Variants in MMP16 observed in about 807,000 individuals in gnomAD.
MMP16 encodes the protein matrix metalloproteinase-16.
MMP16 carries 12 observed loss-of-function variants against 67.8 expected under a neutral mutation model. The observed-to-expected ratio is 0.18, with a 90% confidence interval of 0.11 to 0.29. The LOEUF (loss-of-function observed/expected upper bound fraction) is 0.29, where lower values mean the gene tolerates loss of function less well. Among genes scored for constraint, MMP16 ranks in the 10% least tolerant of loss-of-function variants. The pLI is 1.00. For synonymous variants in MMP16, 249 were observed against 255.9 expected, an observed-to-expected ratio of 0.97 and a Z score of 0.26; for missense variants, 475 against 765.7, an observed-to-expected ratio of 0.62 and a Z score of 4.48.
chr8:88,282,200 GAGT>G (rs1387702766), intron 1 of MMP16, among the ~76,000 whole-genome samples: 1 of 151,186 alleles, frequency 6.6e-6, no homozygotes, highest in Non-Finnish European at 1.5e-5. Flanking sequence ...TCAGTTTCCT[GAGT>G]AGCTGAGATT....
chr8:88,120,394 A>G (rs565270659), intron 4 of MMP16, among the ~76,000 whole-genome samples: 1 of 152,084 alleles, frequency 6.6e-6, no homozygotes, highest in African/African-American at 2.4e-5. Context: ...ACATCTTTGT[A>G]ATTTCAAATC....
rs1808104769 is a variant in MMP16, at chr8:88,039,621, G to A, written c.*1840C>T. ...TCAATAGATCAATAATCAAGTTCAA[G>A]GCAAGCTGTTCATTGTTTCAAAAGC... On this transcript the variant is annotated 3_prime_UTR_variant, in exon 10 of 10. Transcript: ENST00000286614. This position sits in a 1 kb window ranked among gnomAD's most constrained non-coding sequence, Gnocchi z 4.5. 6.6e-6 allele frequency: 1 copy of A among 152,618 alleles called. No individual in the cohort carries two copies. Among genetic ancestry groups the A allele is most frequent in the Non-Finnish European group, 1.5e-5 (1 of 68,042 alleles). 9.5% of individuals were successfully genotyped at this position (152,618 alleles called of 1,614,324 possible).
intron 4 of MMP16, among the ~76,000 whole-genome samples, chr8:88,131,766 C>G (rs1808035015): frequency 6.6e-6 from 1 of 151,846 alleles, no homozygotes; most frequent in Non-Finnish European, 1.5e-5. Flanking sequence ...GTTCCCCTAA[C>G]AAACCATAAT....
At chr8:88,202,392 T>C (rs1421765846) in intron 1 of MMP16, among the ~76,000 whole-genome samples, 1 of 152,106 alleles carries the variant, frequency 6.6e-6, no homozygotes, top group Non-Finnish European at 1.5e-5. Context: ...GTGGAGAGGT[T>C]TTCCAATCTG....
At chr8:88,324,847 A>T (rs1286169153) in intron 1 of MMP16, among the ~76,000 whole-genome samples, 1 of 152,142 alleles carries the variant, frequency 6.6e-6, no homozygotes, top group African/African-American at 2.4e-5. Flanking sequence ...TTTCACTAGC[A>T]GCTACTCCTA....
Position 88,279,647 on chromosome 8 carries a change from C to G in MMP16, c.132+47428G>C, listed in dbSNP as rs1463162845. On this transcript the variant is annotated intron_variant, in intron 1 of 9. Coordinates refer to ENST00000286614, the MANE Select transcript of MMP16 (RefSeq NM_005941.5). ...TCTGGGACCTAACTAACTACTGTCT[C>G]AAGAGGGGCAACATCTATTTCACTG... 3.9e-5 allele frequency among the ~76,000 whole-genome samples: 6 copies of G among 152,246 alleles called. No individual in the cohort carries two copies. The East Asian group carries it at 1.2e-3, about 29-fold the overall frequency.
chr8:88,220,126 TA>T (rs1270657489), intron 1 of MMP16, among the ~76,000 whole-genome samples: 1 of 152,126 alleles, frequency 6.6e-6, no homozygotes, highest in Admixed American at 6.6e-5. Flanking sequence ...AATCAGCTTT[TA>T]ATATATAGAA....
intron 6 of MMP16, among the ~76,000 whole-genome samples, chr8:88,088,705 A>G (rs1205185207): frequency 6.6e-6 from 1 of 152,078 alleles, no homozygotes; most frequent in East Asian, 1.9e-4. Context: ...ATTTACTTAA[A>G]TAAAGAGTTC....
chr8:88,051,738 C>A lies in MMP16; in HGVS notation c.1373+4390G>T, dbSNP rs183713365. On this transcript the variant is annotated intron_variant, in intron 8 of 9. Transcript: ENST00000286614. ...TAATTAAGAAAATAAAGTAGGTCTA[C>A]ATTTTGTTATTTTTATTTGAAAATA... 6.6e-4 allele frequency among the ~76,000 whole-genome samples: 101 copies of A among 152,230 alleles called. 2 individuals are homozygous for A. The South Asian group carries it at 8.1e-3, about 12-fold the overall frequency.
At position 88,032,140 on chromosome 8, in the gene MMP16, A is replaced by C. The variant is rs1807993471; in HGVS notation, c.*9321T>G. ...CTAGGTTAAGACACTTACAGCAGAC[A>C]AAAACTGCCCCACCCCTAATCCCCT... On this transcript the variant is annotated 3_prime_UTR_variant, in exon 10 of 10. Transcript: ENST00000286614. 6.6e-6 allele frequency: 1 copy of C among 152,220 alleles called. No individual in the cohort carries two copies. The allele number at this position is 152,220 out of a possible 1,614,324, so 9.4% of individuals were successfully genotyped here.
At chr8:88,317,566 T>A (rs754498079) in intron 1 of MMP16, among the ~76,000 whole-genome samples, 10 of 152,182 alleles carry the variant, frequency 6.6e-5, no homozygotes, top group Non-Finnish European at 1.5e-4. Flanking sequence ...GAATTTCTCT[T>A]TATTGCAGTG....
chr8:88,213,220 A>G lies in MMP16; in HGVS notation c.133-15914T>C, dbSNP rs1157038878. Among the ~76,000 whole-genome samples, 7 of 152,248 alleles carry G rather than the reference A, an allele frequency of 4.6e-5. No individual in the cohort carries two copies. In the East Asian group the frequency reaches 1.4e-3, roughly 29 times the overall value. On this transcript the variant is annotated intron_variant, in intron 1 of 9. Transcript: ENST00000286614. ...TCAATAAACACTGTTAAGATCCTCCACACTGACTCTTACATGTTACTCATC... is the reference window on the plus strand; with the variant it reads ...TCAATAAACACTGTTAAGATCCTCCGCACTGACTCTTACATGTTACTCATC...
chr8:88,210,870 A>G (rs1396641581), intron 1 of MMP16, among the ~76,000 whole-genome samples: 1 of 152,146 alleles, frequency 6.6e-6, no homozygotes, highest in Non-Finnish European at 1.5e-5. Flanking sequence ...ACACACCAAG[A>G]GCTTAACATT....
chr8:88,246,699 T>C (rs534724421), intron 1 of MMP16, among the ~76,000 whole-genome samples: 13 of 152,266 alleles, frequency 8.5e-5, no homozygotes, highest in Admixed American at 7.2e-4. Context: ...TAAATGGTAC[T>C]GAATGAGGGA....
At chr8:88,061,412 C>T (rs1808398814) in intron 7 of MMP16, among the ~76,000 whole-genome samples, 1 of 151,996 alleles carries the variant, frequency 6.6e-6, no homozygotes, top group Non-Finnish European at 1.5e-5. Flanking sequence ...AGTTTCAATG[C>T]CTCTCATGCT....
chr8:88,288,892 T>C (rs762413659), intron 1 of MMP16, among the ~76,000 whole-genome samples: 1 of 152,212 alleles, frequency 6.6e-6, no homozygotes, highest in Admixed American at 6.5e-5. Context: ...CAAAGAGTCT[T>C]TGGACATTTT....
intron 4 of MMP16, among the ~76,000 whole-genome samples, chr8:88,166,527 T>C (rs1239096342): frequency 6.6e-6 from 1 of 150,884 alleles, no homozygotes; most frequent in African/African-American, 2.4e-5. Flanking sequence ...ATCAGAATAA[T>C]TGTAAGGATT....
intron 1 of MMP16, among the ~76,000 whole-genome samples, chr8:88,237,764 CG>C (rs1385607851): frequency 2.0e-5 from 3 of 152,142 alleles, no homozygotes; most frequent in Admixed American, 1.3e-4. Context: ...TGGTGATTTA[CG>C]TTTGTGTATG....
chr8:88,043,254 T>C (rs968007112), intron 9 of MMP16, among the ~76,000 whole-genome samples: 2 of 152,150 alleles, frequency 1.3e-5, no homozygotes, highest in African/African-American at 2.4e-5. Flanking sequence ...GTACACTTAA[T>C]AATTTTTTAA....
Sources: gnomAD v4.1 joint callset for allele counts (sites outside exome capture counted in the v4.1 genomes callset) on GRCh38, gnomAD v4.1.1 for gene constraint, Gnocchi (gnomAD v3.1) non-coding constraint, MANE v1.5 for transcripts, NCBI Gene and HGNC (gene_info 2026-07-23, HGNC 2026-07-21) for gene names.